Variants in SCN9A observed in about 807,000 individuals in gnomAD.
SCN9A encodes the protein sodium voltage-gated channel alpha subunit 9.
In SCN9A, 131 loss-of-function variants were observed where a neutral mutation model predicts 187.0. The ratio of observed to expected loss-of-function variants is 0.70; its 90% CI spans 0.61 to 0.81. The LOEUF (loss-of-function observed/expected upper bound fraction) is 0.81, where lower values mean the gene tolerates loss of function less well. Among genes scored for constraint, SCN9A ranks in the 30% least tolerant of loss-of-function variants. The probability of loss-of-function intolerance (pLI) is 0.00; values close to 1 mark genes in which losing one functional copy is unlikely to be tolerated. For synonymous variants in SCN9A, 809 were observed against 808.6 expected (o/e 1.00, Z -0.01); for missense variants, 2,252 against 2,396.6 (o/e 0.94, Z 1.26).
rs1693309281 is a variant in SCN9A, at chr2:166,198,458, A to G, written c.*214T>C. ...TTGTATGCTATAATCAATAATTCCT[A>G]CAGAGTTCTCTTACGATTCTTAAAG... On this transcript the variant is annotated 3_prime_UTR_variant, in exon 27 of 27. Transcript: ENST00000642356. 3.8e-6 allele frequency: 2 copies of G among 521,738 alleles called. No individual in the cohort carries two copies. The highest frequency in any genetic ancestry group is 1.9e-5 in the African/African-American group (1 of 52,634). The allele number at this position is 521,738 out of a possible 1,614,324, so 32.3% of individuals were successfully genotyped here.
chr2:166,320,742 T>C (rs1699217425), intron 1 of SCN9A, among the ~76,000 whole-genome samples: 1 of 152,224 alleles, frequency 6.6e-6, no homozygotes, highest in South Asian at 2.1e-4. Flanking sequence ...TGTTTTATTA[T>C]CTGCTGTTTT....
In SCN9A at chr2:166,286,566, G is replaced by A. The variant is rs753822039; in HGVS notation, c.1372C>T (p.Leu458Phe). The A allele has an allele frequency of 6.2e-7, 1 of 1,602,158 alleles. No individual in the cohort carries two copies. The highest frequency in any genetic ancestry group is 8.5e-7 in the Non-Finnish European group (1 of 1,176,128). The change falls in exon 11 of 27, where the codon CTC (leucine) becomes TTC (phenylalanine). Residue 458 changes from leucine (L) to phenylalanine (F), a missense_variant. Physicochemically the swap from Leu to Phe is conservative, Grantham distance 22. Around this residue, in one of 7 missense-constraint regions of SCN9A, gnomAD observed 1,013 missense variants for 997.4 expected, o/e 1.02. Coordinates refer to ENST00000642356, the MANE Select transcript of SCN9A (RefSeq NM_001365536.1). ...TSIRRSRIMG[L>F]SESSSETSKL... The stretch of plus-strand genomic sequence containing the variant: ...GATGTTTCAGAAGAACTCTCTGAGA[G>A]GCCCATAATTCTGCTTCTCCTAATA...
chr2:166,208,082 G>C (rs1693902610), intron 24 of SCN9A, among the ~76,000 whole-genome samples: 1 of 152,202 alleles, frequency 6.6e-6, no homozygotes, highest in African/African-American at 2.4e-5. Context: ...AGAGAAACTT[G>C]CGTGGGTGTT....
rs879254140 is a variant in SCN9A, at chr2:166,199,553, T to A, written c.5086A>T (p.Thr1696Ser). ...AGCAATCCATCCCAGCCAGCAGAGG[T>A]TGTAATTTGGAACAGGCAAATCATA... ...NSMICLFQIT[T>S]SAGWDGLLAP... The change falls in exon 27 of 27, where the codon ACC becomes TCC. Residue 1696 changes from threonine (T) to serine (S), a missense_variant. This residue lies in a region of SCN9A where 84 missense variants were observed against 134.2 expected (regional missense o/e 0.63). Coordinates refer to ENST00000642356, the MANE Select transcript of SCN9A (RefSeq NM_001365536.1). 1 of 1,614,108 alleles carries A rather than the reference T, an allele frequency of 6.2e-7. No individual in the cohort carries two copies. Among genetic ancestry groups the A allele is most frequent in the African/African-American group, 1.3e-5 (1 of 75,024 alleles).
intron 17 of SCN9A, among the ~76,000 whole-genome samples, chr2:166,252,589 A>G (rs1204941808): frequency 6.6e-6 from 1 of 151,962 alleles, no homozygotes; most frequent in Non-Finnish European, 1.5e-5. Context: ...TATAATGTCA[A>G]GAAAGTGGCT....
At chr2:166,337,736 C>A (rs960211771) in intron 1 of SCN9A, among the ~76,000 whole-genome samples, 1 of 152,042 alleles carries the variant, frequency 6.6e-6, no homozygotes, top group Admixed American at 6.6e-5. Flanking sequence ...TCTTTTTAAT[C>A]CAGACTCCAA....
At chr2:166,316,725 A>G (rs1054803380) in intron 1 of SCN9A, among the ~76,000 whole-genome samples, 36 of 152,178 alleles carry the variant, frequency 2.4e-4, no homozygotes, top group Non-Finnish European at 1.2e-4. Flanking sequence ...AAACTTTTTG[A>G]GGGTAATTTT....
At chr2:166,258,588 T>C (rs1300306115) in intron 17 of SCN9A, among the ~76,000 whole-genome samples, 5 of 151,582 alleles carry the variant, frequency 3.3e-5, no homozygotes, top group Admixed American at 6.6e-5. Context: ...ATAAAACCAT[T>C]TCAAAATGTA....
At chr2:166,228,253 T>G (rs1694925405) in intron 22 of SCN9A, among the ~76,000 whole-genome samples, 1 of 139,468 alleles carries the variant, frequency 7.2e-6, no homozygotes, top group African/African-American at 2.7e-5. Flanking sequence ...AACACTTTTT[T>G]TTTTTTTTTT....
chr2:166,337,390 C>T (rs1191226667), intron 1 of SCN9A, among the ~76,000 whole-genome samples: 1 of 152,024 alleles, frequency 6.6e-6, no homozygotes, highest in African/African-American at 2.4e-5. Context: ...CAATAAGTAG[C>T]TAACCATGTT....
chr2:166,268,783 G>T (rs1031518585), intron 17 of SCN9A, among the ~76,000 whole-genome samples: 1 of 151,798 alleles, frequency 6.6e-6, no homozygotes, highest in African/African-American at 2.4e-5. Flanking sequence ...AGGTAGGTTT[G>T]TCTATACTTA....
chr2:166,256,947 C>A (rs1033631864), intron 17 of SCN9A, among the ~76,000 whole-genome samples: 12 of 151,536 alleles, frequency 7.9e-5, no homozygotes, highest in African/African-American at 2.9e-4. Flanking sequence ...ATAAAGAAAT[C>A]ATATAAAAGC....
At chr2:166,299,488 T>C (rs867440768) in intron 7 of SCN9A, among the ~76,000 whole-genome samples, 1 of 150,984 alleles carries the variant, frequency 6.6e-6, no homozygotes, top group Non-Finnish European at 1.5e-5. Flanking sequence ...TTCTACAATA[T>C]GTTTTCTTCT....
chr2:166,280,796 G>C (rs73969650), intron 13 of SCN9A, among the ~76,000 whole-genome samples: 6,293 of 152,284 alleles, frequency 0.041, 389 homozygotes, highest in African/African-American at 0.13. Context: ...AAGCATAAGA[G>C]AGGGTAAGGA....
intron 24 of SCN9A, among the ~76,000 whole-genome samples, chr2:166,209,532 GAATAC>G (rs1347617691): frequency 6.6e-6 from 1 of 151,612 alleles, no homozygotes; most frequent in Admixed American, 6.6e-5. Flanking sequence ...TGGAATTGAA[GAATAC>G]AATAATTGAA....
intron 26 of SCN9A, among the ~76,000 whole-genome samples, chr2:166,201,396 A>T (rs57644012): frequency 6.8e-6 from 1 of 148,034 alleles, no homozygotes; most frequent in African/African-American, 2.5e-5. Flanking sequence ...TATAGTATGC[A>T]TATACGCTAT....
chr2:166,216,964 C>T (rs1431638855), intron 24 of SCN9A, among the ~76,000 whole-genome samples: 1 of 151,916 alleles, frequency 6.6e-6, no homozygotes, highest in African/African-American at 2.4e-5. Context: ...AGGTGCAATA[C>T]TCTGTCATTT....
intron 1 of SCN9A, among the ~76,000 whole-genome samples, chr2:166,359,580 A>G (rs543474534): frequency 1.3e-5 from 2 of 152,222 alleles, no homozygotes; most frequent in South Asian, 2.1e-4. Context: ...AATTCTTAAA[A>G]TAATTATTAT....
chr2:166,252,821 A>C (rs1696105601), intron 17 of SCN9A, among the ~76,000 whole-genome samples: 1 of 151,912 alleles, frequency 6.6e-6, no homozygotes, highest in African/African-American at 2.4e-5. Flanking sequence ...CAGCAACTGT[A>C]GCAAAACTCT....
Sources: allele counts gnomAD v4.1 joint callset (sites outside exome capture counted in the v4.1 genomes callset), GRCh38; gene constraint gnomAD v4.1.1; regional missense constraint gnomAD v4.1.1; transcripts MANE v1.5; gene names NCBI Gene and HGNC (gene_info 2026-07-23, HGNC 2026-07-21).